Variants in HIPK4 observed in about 807,000 individuals in gnomAD.
HIPK4 encodes homeodomain-interacting protein kinase 4.
Under a neutral mutation model 44.8 loss-of-function variants are expected in HIPK4, and 26 were observed. The observed-to-expected ratio is 0.58, with a 90% CI of 0.43 to 0.80. The LOEUF (loss-of-function observed/expected upper bound fraction) is 0.80, where lower values mean the gene tolerates loss of function less well. Among genes scored for constraint, HIPK4 ranks in the 30% least tolerant of loss-of-function variants. The probability of loss-of-function intolerance (pLI) is 0.00; values close to 1 mark genes in which losing one functional copy is unlikely to be tolerated. For missense variants in HIPK4, 729 were observed against 862.6 expected, an observed-to-expected ratio of 0.85 and a Z score of 1.94; for synonymous variants, 340 against 355.5, an observed-to-expected ratio of 0.96 and a Z score of 0.49.
rs927662459 is a variant in HIPK4, at chr19:40,380,701, A to C, written c.1290T>G (p.Asp430Glu). ...PGMQRAIDQL[D>E]DLSLQEAGHG... The stretch of plus-strand genomic sequence containing the variant: ...GCCCAGCCTCCTGCAGACTCAGGTC[A>C]TCCAGCTGGTCGATGGCTCTTTGCA... Residue 430 changes from aspartate (D) to glutamate (E), a missense_variant, in exon 3 of 4, where the codon GAT becomes GAG. Asp to Glu is a conservative substitution (Grantham distance 45, BLOSUM62 2). Transcript: ENST00000291823. The surrounding 1 kb of genome is among the most constrained non-coding windows in gnomAD (Gnocchi z 4.2). 2 of 1,614,020 alleles carry C rather than the reference A, an allele frequency of 1.2e-6. No individual in the cohort carries two copies. The highest frequency in any genetic ancestry group is 3.3e-5 in the Admixed American group (2 of 60,008).
rs2079324000 is a variant in HIPK4 at position 40,380,111 on chromosome 19, T to C, written c.1668+212A>G. On this transcript the variant is annotated intron_variant, in intron 3 of 3. Coordinates refer to ENST00000291823, the MANE Select transcript of HIPK4 (RefSeq NM_144685.5). The surrounding 1 kb of genome is among the most constrained non-coding windows in gnomAD (Gnocchi z 4.2). ...AGTAGATTACTGTGCCCTGAGTTTT[T>C]GTCACAGCCTGGAAGTAGCTGAGTA... 6.6e-6 allele frequency among the ~76,000 whole-genome samples: 1 copy of C among 152,184 alleles called. No homozygotes were observed. The highest frequency in any genetic ancestry group is 2.1e-4 in the South Asian group (1 of 4,822).
At chr19:40,388,491 G>A (rs887995944) in intron 1 of HIPK4, among the ~76,000 whole-genome samples, 11 of 152,108 alleles carry the variant, frequency 7.2e-5, no homozygotes, top group African/African-American at 2.4e-4. Flanking sequence ...TGATAATGCC[G>A]GCCAGGTGCT....
At position 40,380,792 on chromosome 19, in the gene HIPK4, T is replaced by G. The variant is rs144819691; in HGVS notation, c.1199A>C (p.Glu400Ala). The G allele has an allele frequency of 9.4e-5, 151 of 1,614,130 alleles. 1 individual carries two copies. In the East Asian group the frequency reaches 2.4e-3, roughly 25 times the overall value. The change falls in exon 3 of 4, where the codon GAG becomes GCG. Residue 400 changes from glutamate (E) to alanine (A), a missense_variant. Coordinates refer to ENST00000291823, the MANE Select transcript of HIPK4 (RefSeq NM_144685.5). This position sits in a 1 kb window ranked among gnomAD's most constrained non-coding sequence, Gnocchi z 4.2. ...GGCCACACTGCCCATACCCGCAGCC[T>G]CCTTCTCCTCAGCCAGACAGTAGTA... is the stretch of plus-strand genomic sequence containing the variant. ...TPYYCLAEEK[E>A]AAGMGSVAGS...
rs2079349771 is a variant in HIPK4 at position 40,383,876 on chromosome 19, G to C, written c.729C>G (p.Cys243Trp). ...TGCGCTTGAAGAAGTGGTGGGCCTT[G>C]CAGGCGGCGTGCAACAGGTGTGGCT... is the stretch of plus-strand genomic sequence containing the variant. ...LPKPHLLHAA[C>W]KAHHFFKRNP... Residue 243 changes from cysteine to tryptophan, a missense_variant, in exon 2 of 4, where the codon TGC becomes TGG. This residue lies in a region of HIPK4 where 533 missense variants were observed against 567.5 expected (regional missense o/e 0.94). Transcript: ENST00000291823. 6.2e-7 allele frequency: 1 copy of C among 1,614,090 alleles called. No individual in the cohort carries two copies. Among genetic ancestry groups the C allele is most frequent in the Non-Finnish European group, 8.5e-7 (1 of 1,180,048 alleles).
rs137909972 is a variant in HIPK4, at chr19:40,380,227, T to C, written c.1668+96A>G. On this transcript the variant is annotated intron_variant, in intron 3 of 3. Coordinates refer to ENST00000291823, the MANE Select transcript of HIPK4 (RefSeq NM_144685.5). The surrounding 1 kb of genome is among the most constrained non-coding windows in gnomAD (Gnocchi z 4.2). ...TATCCTGAACATGGGTGAGTGTGTG[T>C]TGAGCCTCCTCACACACTAATCATA... 1 of 1,447,114 alleles carries C rather than the reference T, an allele frequency of 6.9e-7. No homozygotes were observed. Among genetic ancestry groups the C allele is most frequent in the Admixed American group, 2.8e-5 (1 of 35,492 alleles). 89.6% of individuals were successfully genotyped at this position (1,447,114 alleles called of 1,614,324 possible).
intron 2 of HIPK4, among the ~76,000 whole-genome samples, chr19:40,381,998 G>T (rs1473845540): frequency 6.6e-6 from 1 of 151,814 alleles, no homozygotes. Context: ...TAGAGATGGG[G>T]TTTCACCATG....
In HIPK4 at chr19:40,383,996, G is replaced by T. The variant is rs143873993; in HGVS notation, c.609C>A (p.Cys203Ter). Residue 203 changes from cysteine (C) to a stop codon, truncating the protein, a stop_gained, in exon 2 of 4, where the codon TGC becomes TGA. Transcript: ENST00000291823. LOFTEE classifies it high-confidence loss of function. ...CEKVDVWSLGCVMAELHLGWP... is the reference protein window; with the variant it reads ...CEKVDVWSLG ...AGCCCAGGTGCAGCTCAGCCATGAC[G>T]CAGCCCAGGGACCACACGTCCACCT... 1.9e-6 allele frequency: 3 copies of T among 1,614,158 alleles called. No individual in the cohort carries two copies. The highest frequency in any genetic ancestry group is 2.7e-5 in the African/African-American group (2 of 75,062).
rs765261216 is a variant in HIPK4 at position 40,380,841 on chromosome 19, C to T, written c.1150G>A (p.Val384Met). The change falls in exon 3 of 4, where the codon GTG becomes ATG. Residue 384 changes from valine to methionine, a missense_variant. Coordinates refer to ENST00000291823, the MANE Select transcript of HIPK4 (RefSeq NM_144685.5). This position sits in a 1 kb window ranked among gnomAD's most constrained non-coding sequence, Gnocchi z 4.2. ...QVEGKPPTPVVAAEDGTPYYC... is the reference protein window; with the variant it reads ...QVEGKPPTPVMAAEDGTPYYC... ...TAGGGGGTCCCATCTTCTGCGGCCA[C>T]GACGGGCGTGGGGGGCTTCCCCTCC... The T allele has an allele frequency of 2.1e-5, 34 of 1,610,212 alleles. No individual in the cohort carries two copies. The highest frequency in any genetic ancestry group is 2.8e-5 in the Non-Finnish European group (33 of 1,176,778).
chr19:40,385,738 G>C (rs1487862582), intron 1 of HIPK4, among the ~76,000 whole-genome samples: 1 of 55,814 alleles, frequency 1.8e-5, no homozygotes, highest in African/African-American at 7.2e-5. Context: ...ACAGAGTTTT[G>C]CTCTTGTCAC....
At chr19:40,379,872 T>C in intron 3 of HIPK4, 103 bp from the exon 4 acceptor site, 4 of 1,235,664 alleles carry the variant, frequency 3.2e-6, no homozygotes, top group Non-Finnish European at 4.5e-6. Context: ...TGTGCTAGGG[T>C]CTTACCAGTG....
intron 3 of HIPK4, 148 bp from the exon 4 acceptor site, chr19:40,379,917 G>C: frequency 1.2e-6 from 1 of 855,616 alleles, no homozygotes; most frequent in Non-Finnish European, 1.7e-6. Flanking sequence ...GTGATGTGAT[G>C]ACAGCTCACT....
In HIPK4 at chr19:40,380,141, C is replaced by G. The variant is rs1202047156; in HGVS notation, c.1668+182G>C. Among the ~76,000 whole-genome samples, 1 of 152,140 alleles carries G rather than the reference C, an allele frequency of 6.6e-6. No homozygotes were observed. The highest frequency in any genetic ancestry group is 1.5e-5 in the Non-Finnish European group (1 of 68,012). On this transcript the variant is annotated intron_variant, in intron 3 of 3. Transcript: ENST00000291823. The surrounding 1 kb of genome is among the most constrained non-coding windows in gnomAD (Gnocchi z 4.2). ...CAGCCTGGAAGTAGCTGAGTAAGTG[C>G]TGAGCCTTATCATATCTTGACGGTA...
chr19:40,383,362 G>A (rs959479690), intron 2 of HIPK4, among the ~76,000 whole-genome samples: 3 of 152,062 alleles, frequency 2.0e-5, no homozygotes, highest in Admixed American at 1.3e-4. Context: ...GATTACAGGC[G>A]TAAGCCACCA....
At chr19:40,385,875 T>A (rs188643131) in intron 1 of HIPK4, among the ~76,000 whole-genome samples, 1 of 150,672 alleles carries the variant, frequency 6.6e-6, no homozygotes, top group Non-Finnish European at 1.5e-5. Flanking sequence ...GCGCAGCTAA[T>A]TTTTATATTT....
chr19:40,383,737 T>C (rs570327200), intron 2 of HIPK4, 46 bp downstream of exon 2: 1 of 1,460,576 alleles, frequency 6.8e-7, no homozygotes, highest in South Asian at 1.3e-5. Context: ...TTTTTTTTCA[T>C]GTAACAGCCC....
chr19:40,381,263 C>A (rs2079335619), intron 2 of HIPK4, 95 bp from the exon 3 acceptor site: 1 of 987,896 alleles, frequency 1.0e-6, no homozygotes, highest in Non-Finnish European at 1.5e-6. Flanking sequence ...GCCCCGACTT[C>A]CAGGTCTGCC....
chr19:40,386,213 G>A (rs577920915), intron 1 of HIPK4, among the ~76,000 whole-genome samples: 147 of 151,670 alleles, frequency 9.7e-4, no homozygotes, highest in African/African-American at 3.5e-3. Flanking sequence ...GGGATTACAA[G>A]CGCTAATCTT....
chr19:40,389,558 T>A lies in HIPK4; in HGVS notation c.345A>T (p.Thr115=), dbSNP rs754622345. Residue 115 remains threonine, a synonymous_variant, in exon 1 of 4, where the codon ACA becomes ACT. Transcript: ENST00000291823. This position sits in a 1 kb window ranked among gnomAD's most constrained non-coding sequence, Gnocchi z 4.6. ...GGGCTGTGAGCACCTGCAGGGTGAC[T>A]GTACGGATGTGGCGGGCGGGGAGGG... ...FAPLPARHIR[T]VTLQVLTALA... The A allele has an allele frequency of 4.3e-6, 7 of 1,613,898 alleles. No homozygotes were observed. The South Asian group carries it at 6.6e-5, about 15-fold the overall frequency.
intron 1 of HIPK4, among the ~76,000 whole-genome samples, chr19:40,384,672 C>T (rs535161850): frequency 8.2e-5 from 12 of 146,260 alleles, no homozygotes; most frequent in East Asian, 2.0e-4. Flanking sequence ...AGTGCAGTGG[C>T]GCAATCTTGG....
Sources: gnomAD v4.1 joint callset for allele counts (sites outside exome capture counted in the v4.1 genomes callset) on GRCh38, gnomAD v4.1.1 for gene constraint, gnomAD v4.1.1 regional missense constraint, Gnocchi (gnomAD v3.1) non-coding constraint, MANE v1.5 for transcripts, NCBI Gene and HGNC (gene_info 2026-07-23, HGNC 2026-07-21) for gene names.